Variants in ATP13A5 observed in about 807,000 individuals in gnomAD.
The protein encoded by ATP13A5 is probable cation-transporting ATPase 13A5.
ATP13A5 carries 149 observed loss-of-function variants against 150.2 expected under a neutral mutation model. That is an observed-to-expected ratio of 0.99 (90% CI 0.87 to 1.14). The LOEUF is 1.14. Ranked by LOEUF, ATP13A5 falls within the 50% of genes most tolerant of loss-of-function variation. The pLI, the probability that ATP13A5 is intolerant of heterozygous loss-of-function variation, is 0.00. For synonymous variants in ATP13A5, 497 were observed against 522.2 expected (o/e 0.95, Z 0.66); for missense variants, 1,383 against 1,449.3 (o/e 0.95, Z 0.74).
chr3:193,287,801 G>A (rs1429932227), intron 26 of ATP13A5, among the ~76,000 whole-genome samples: 1 of 152,102 alleles, frequency 6.6e-6, no homozygotes, highest in Non-Finnish European at 1.5e-5. Flanking sequence ...CTGCCATAGA[G>A]AGTGATTCAT....
chr3:193,315,861 C>A (rs568995979), intron 17 of ATP13A5, among the ~76,000 whole-genome samples: 2,405 of 62,188 alleles, frequency 0.039, 33 homozygotes, highest in Non-Finnish European at 0.046. Flanking sequence ...TCCTTCTACC[C>A]TGTTTTATGT....
At position 193,315,031 on chromosome 3, in the gene ATP13A5, TC is replaced by T. The variant is rs765400809; in HGVS notation, c.2098del (p.Glu700LysfsTer6). The T allele has an allele frequency of 6.2e-7, 1 of 1,613,924 alleles. No individual in the cohort carries two copies. Among genetic ancestry groups the T allele is most frequent in the East Asian group, 2.2e-5 (1 of 44,862 alleles). On this transcript the variant is annotated frameshift_variant, in exon 18 of 30. Coordinates refer to ENST00000342358, the MANE Select transcript of ATP13A5 (RefSeq NM_198505.4). LOFTEE classifies it high-confidence loss of function. ...CAGTTCCTTCAAGACCAGTTTGGTT[TC>T]TTTTTTCAAGCGATTCTCCATGATG... Reference protein sequence around the residue: ...LLIMENRLKKETKLVLKELSE... With the variant: ...LLIMENRLKKXTKLVLKELSE...
intron 6 of ATP13A5, among the ~76,000 whole-genome samples, chr3:193,352,494 T>C: frequency 6.7e-6 from 1 of 149,842 alleles, no homozygotes; most frequent in Admixed American, 6.7e-5. Context: ...TTGTACTTGG[T>C]TTTTTTTTTC....
intron 19 of ATP13A5, 84 bp downstream of exon 19, chr3:193,313,949 C>T: frequency 6.9e-7 from 1 of 1,452,402 alleles, no homozygotes. Context: ...GAGATGACTC[C>T]TGGAGTTGAG....
chr3:193,314,662 G>C (rs1718980274), intron 18 of ATP13A5, among the ~76,000 whole-genome samples: 1 of 152,062 alleles, frequency 6.6e-6, no homozygotes, highest in South Asian at 2.1e-4. Context: ...CTATGCAGAG[G>C]GATCACTGGG....
At chr3:193,374,462 G>A (rs920955234) in intron 1 of ATP13A5, among the ~76,000 whole-genome samples, 2 of 152,062 alleles carry the variant, frequency 1.3e-5, no homozygotes, top group African/African-American at 4.8e-5. Flanking sequence ...GGAAAACGTA[G>A]GGAGACCTCG....
At chr3:193,367,306 C>T (rs117867180) in intron 1 of ATP13A5, among the ~76,000 whole-genome samples, 83 of 152,070 alleles carry the variant, frequency 5.5e-4, no homozygotes, top group South Asian at 2.1e-3. Flanking sequence ...TCAATAAATA[C>T]GAATATTTTG....
chr3:193,336,852 A>T (rs1434091344), intron 9 of ATP13A5, among the ~76,000 whole-genome samples: 2 of 152,210 alleles, frequency 1.3e-5, no homozygotes, highest in Non-Finnish European at 2.9e-5. Flanking sequence ...CAGTCCCACC[A>T]ACAGTGTAAA....
chr3:193,361,825 T>C (rs1042779512), intron 5 of ATP13A5, among the ~76,000 whole-genome samples: 12 of 152,358 alleles, frequency 7.9e-5, no homozygotes, highest in African/African-American at 2.9e-4. Flanking sequence ...TTTAGATCCT[T>C]AGTTCCTTGC....
In ATP13A5 at chr3:193,339,201, AT is replaced by A. The variant is rs555090544; in HGVS notation, c.944-4103del. On this transcript the variant is annotated intron_variant, in intron 9 of 29. Coordinates refer to ENST00000342358, the MANE Select transcript of ATP13A5 (RefSeq NM_198505.4). ...AAAAAATCAGCTCCCGGATTCATTG[AT>A]TTTTTTAAGGGTTTTTTGTGTCTCT... Among the ~76,000 whole-genome samples the A allele has an allele frequency of 3.3e-5, 5 of 152,004 alleles. No individual in the cohort carries two copies. The East Asian group carries it at 7.7e-4, about 24-fold the overall frequency.
intron 1 of ATP13A5, among the ~76,000 whole-genome samples, chr3:193,366,245 C>T (rs1713233812): frequency 6.6e-6 from 1 of 151,796 alleles, no homozygotes; most frequent in Non-Finnish European, 1.5e-5. Context: ...GAAATTTAAC[C>T]CAACTATATT....
intron 9 of ATP13A5, among the ~76,000 whole-genome samples, chr3:193,341,180 A>G (rs62287627): frequency 1.3e-4 from 19 of 141,932 alleles, no homozygotes; most frequent in Non-Finnish European, 1.5e-5. Flanking sequence ...CCCCTCCCAA[A>G]TGATATTCCC....
At chr3:193,298,443 G>T (rs1718261372) in intron 25 of ATP13A5, among the ~76,000 whole-genome samples, 1 of 151,980 alleles carries the variant, frequency 6.6e-6, no homozygotes, top group Non-Finnish European at 1.5e-5. Context: ...ATGTACTAAG[G>T]TGCTACATGA....
intron 26 of ATP13A5, among the ~76,000 whole-genome samples, chr3:193,288,043 G>T (rs983109876): frequency 6.6e-6 from 1 of 152,138 alleles, no homozygotes; most frequent in Non-Finnish European, 1.5e-5. Context: ...TAGAAGTGGA[G>T]CCTGAAGATG....
chr3:193,307,471 G>T lies in ATP13A5; in HGVS notation c.2526-102C>A, dbSNP rs1162907733. The T allele has an allele frequency of 7.2e-6, 10 of 1,391,552 alleles. 1 individual carries two copies. In the South Asian group the frequency reaches 1.2e-4, roughly 17 times the overall value. The allele number at this position is 1,391,552 out of a possible 1,614,324, so 86.2% of individuals were successfully genotyped here. Reference sequence around the variant, plus strand: ...AGTCACATGTGATTTGTGTGTATGTGTGTGTCCCCTGAACACACCTGGAAT... The same window carrying T: ...AGTCACATGTGATTTGTGTGTATGTTTGTGTCCCCTGAACACACCTGGAAT... On this transcript the variant is annotated intron_variant, in intron 21 of 29. Coordinates refer to ENST00000342358, the MANE Select transcript of ATP13A5 (RefSeq NM_198505.4).
chr3:193,293,579 CA>C (rs1019527625), intron 25 of ATP13A5, among the ~76,000 whole-genome samples: 2 of 152,004 alleles, frequency 1.3e-5, no homozygotes, highest in African/African-American at 2.4e-5. Flanking sequence ...TTCGCAGTTT[CA>C]AATTCTATTC....
chr3:193,376,460 C>T (rs1713647252), intron 1 of ATP13A5, among the ~76,000 whole-genome samples: 3 of 152,176 alleles, frequency 2.0e-5, no homozygotes, highest in Admixed American at 1.3e-4. Context: ...GATCTTCCCA[C>T]CTTAGCCTCC....
chr3:193,289,927 T>C lies in ATP13A5; in HGVS notation c.2981A>G (p.Tyr994Cys). ...ACAATACCAAGGCTGCTGCTTCACATAGAGAAATGCACTGATCTGCACAAT... is the reference window on the plus strand; with the variant it reads ...ACAATACCAAGGCTGCTGCTTCACACAGAGAAATGCACTGATCTGCACAAT... ...SCIVQISAFL[Y>C]VKQQPWYCEV... Residue 994 changes from tyrosine (Y) to cysteine (C), a missense_variant, in exon 26 of 30, where the codon TAT becomes TGT. This residue lies in a region of ATP13A5 where 568 missense variants were observed against 621.5 expected (regional missense o/e 0.91). Coordinates refer to ENST00000342358, the MANE Select transcript of ATP13A5 (RefSeq NM_198505.4). The C allele has an allele frequency of 6.2e-7, 1 of 1,611,452 alleles. No homozygotes were observed. The highest frequency in any genetic ancestry group is 8.5e-7 in the Non-Finnish European group (1 of 1,178,726).
intron 26 of ATP13A5, 93 bp downstream of exon 26, chr3:193,289,792 A>C (rs1717873133): frequency 9.7e-6 from 12 of 1,231,678 alleles, no homozygotes; most frequent in Non-Finnish European, 1.2e-5. Context: ...ATTAATTAAA[A>C]GTTTTAGGAT....
Sources: allele counts gnomAD v4.1 joint callset (sites outside exome capture counted in the v4.1 genomes callset), GRCh38; gene constraint gnomAD v4.1.1; regional missense constraint gnomAD v4.1.1; transcripts MANE v1.5; gene names NCBI Gene and HGNC (gene_info 2026-07-23, HGNC 2026-07-21).